Variants in ERBIN observed in about 807,000 individuals in gnomAD.
The protein encoded by ERBIN is densin-180-like protein.
Under a neutral mutation model 158.4 loss-of-function variants are expected in ERBIN, and 60 were observed. That is an observed-to-expected ratio of 0.38 (90% CI 0.31 to 0.47). The LOEUF is 0.47. Ranked by LOEUF, ERBIN falls within the 20% of genes least tolerant of loss-of-function variation. The pLI, the probability that ERBIN is intolerant of heterozygous loss-of-function variation, is 0.99. For synonymous variants in ERBIN, 594 were observed against 557.2 expected (o/e 1.07, Z -0.93); for missense variants, 1,610 against 1,648.0 (o/e 0.98, Z 0.40).
intron 4 of ERBIN, among the ~76,000 whole-genome samples, chr5:65,996,765 G>T (rs1020396516): frequency 6.6e-6 from 1 of 152,052 alleles, no homozygotes; most frequent in Non-Finnish European, 1.5e-5. Flanking sequence ...GTGAACACAG[G>T]ATTTCTTTCC....
At chr5:65,980,111 G>C (rs1032422856) in intron 1 of ERBIN, among the ~76,000 whole-genome samples, 2 of 152,132 alleles carry the variant, frequency 1.3e-5, no homozygotes, top group Non-Finnish European at 2.9e-5. Flanking sequence ...GAAGAACAAA[G>C]AACAAATAGA....
chr5:65,964,963 TTTTTTTA>T (rs1280046890), intron 1 of ERBIN, among the ~76,000 whole-genome samples: 2 of 133,932 alleles, frequency 1.5e-5, no homozygotes, highest in Non-Finnish European at 3.0e-5. Context: ...TTTTTTTTTT[TTTTTTTA>T]AGTAGAGATG....
chr5:66,018,593 A>ATATATAT (rs1322714207), intron 7 of ERBIN, among the ~76,000 whole-genome samples: 113 of 8,672 alleles, frequency 0.013, 33 homozygotes, highest in African/African-American at 0.032. Flanking sequence ...ATATTATATA[A>ATATATAT]TATATATTAT....
chr5:66,033,491 T>A (rs1024044373), intron 14 of ERBIN, among the ~76,000 whole-genome samples: 1 of 152,174 alleles, frequency 6.6e-6, no homozygotes, highest in Admixed American at 6.5e-5. Context: ...GAGTTAAGAC[T>A]GGCCTGAAGG....
At chr5:66,011,767 T>C (rs1174204241) in intron 4 of ERBIN, among the ~76,000 whole-genome samples, 1 of 152,220 alleles carries the variant, frequency 6.6e-6, no homozygotes, top group Non-Finnish European at 1.5e-5. Context: ...GTTCTACAAT[T>C]TAGGTCCTTA....
intron 1 of ERBIN, among the ~76,000 whole-genome samples, chr5:65,944,415 T>G (rs1014663363): frequency 1.3e-5 from 2 of 152,072 alleles, no homozygotes; most frequent in Non-Finnish European, 2.9e-5. Flanking sequence ...TTTTGTTTTT[T>G]GTTTTGAGGC....
intron 1 of ERBIN, among the ~76,000 whole-genome samples, chr5:65,960,469 A>G (rs1006517087): frequency 2.5e-4 from 38 of 152,330 alleles, no homozygotes; most frequent in African/African-American, 8.9e-4. Context: ...ACTTTACCTC[A>G]AAAACAAACA....
intron 21 of ERBIN, among the ~76,000 whole-genome samples, chr5:66,061,901 G>C (rs1393342948): frequency 2.0e-5 from 3 of 152,204 alleles, no homozygotes; most frequent in Admixed American, 6.5e-5. Context: ...TAGAGTTTCT[G>C]CCAAGAGATC....
At chr5:66,074,129 ATCC>A (rs1347719660) in intron 22 of ERBIN, among the ~76,000 whole-genome samples, 1 of 148,456 alleles carries the variant, frequency 6.7e-6, no homozygotes, top group Non-Finnish European at 1.5e-5. Flanking sequence ...GCCTGAAGCA[ATCC>A]TCCTGTATAG....
At chr5:65,927,793 A>G (rs1296124962) in intron 1 of ERBIN, among the ~76,000 whole-genome samples, 1 of 152,230 alleles carries the variant, frequency 6.6e-6, no homozygotes, top group Non-Finnish European at 1.5e-5. Context: ...GAAGCATGGC[A>G]GACATTCCAC....
intron 21 of ERBIN, among the ~76,000 whole-genome samples, chr5:66,057,867 C>G (rs1320093932): frequency 2.0e-5 from 3 of 151,200 alleles, no homozygotes; most frequent in Non-Finnish European, 4.4e-5. Context: ...CATGTCCCTA[C>G]AAAGGACATG....
At chr5:65,982,957 C>G (rs988771500) in intron 1 of ERBIN, among the ~76,000 whole-genome samples, 1 of 152,148 alleles carries the variant, frequency 6.6e-6, no homozygotes, top group Admixed American at 6.5e-5. Flanking sequence ...TGGAAATGTT[C>G]CATGTCTTGA....
In ERBIN at chr5:66,082,042, G is replaced by A. The variant is rs56271873; in HGVS notation, c.*3512G>A. ...ATTCTTTACAGAATTCATAAGCCCA[G>A]GGGATAGTAAGTAGTCATTTAGTTT... On this transcript the variant is annotated 3_prime_UTR_variant, in exon 26 of 26. Coordinates refer to ENST00000284037, the MANE Select transcript of ERBIN (RefSeq NM_001253697.2). 11,219 of 152,144 alleles carry A rather than the reference G, an allele frequency of 0.074. 606 individuals carry two copies. Among genetic ancestry groups the A allele is most frequent in the Non-Finnish European group, 0.1 (7,083 of 67,944 alleles). 9.4% of individuals were successfully genotyped at this position (152,144 alleles called of 1,614,324 possible).
At chr5:65,972,193 C>T (rs1266431145) in intron 1 of ERBIN, among the ~76,000 whole-genome samples, 2 of 152,102 alleles carry the variant, frequency 1.3e-5, no homozygotes, top group Non-Finnish European at 2.9e-5. Flanking sequence ...ATTAGATTGT[C>T]TCTCACCCTT....
At chr5:65,943,983 C>T (rs1276321961) in intron 1 of ERBIN, among the ~76,000 whole-genome samples, 1 of 152,150 alleles carries the variant, frequency 6.6e-6, no homozygotes, top group Non-Finnish European at 1.5e-5. Flanking sequence ...TCAGAATTTC[C>T]TTCCTAAGAC....
At chr5:66,010,001 C>T (rs989071453) in intron 4 of ERBIN, among the ~76,000 whole-genome samples, 1 of 152,168 alleles carries the variant, frequency 6.6e-6, no homozygotes, top group African/African-American at 2.4e-5. Flanking sequence ...TTTTGAACAA[C>T]CACCAAACTA....
At chr5:65,957,078 C>A (rs971727523) in intron 1 of ERBIN, among the ~76,000 whole-genome samples, 1 of 152,124 alleles carries the variant, frequency 6.6e-6, no homozygotes. Context: ...TTATTTAGCA[C>A]CCTCTCCCAT....
In ERBIN at chr5:66,054,916, G is replaced by C; in HGVS notation, c.3598G>C (p.Val1200Leu). 1 of 1,598,698 alleles carries C rather than the reference G, an allele frequency of 6.3e-7. No homozygotes were observed. Among genetic ancestry groups the C allele is most frequent in the African/African-American group, 1.3e-5 (1 of 74,280 alleles). ...AGTTCCTCGTGACTGGAGAGAACAA[G>C]TACTTCGACATATTGAAGCCAAAAA... The part of the protein sequence containing the change: ...SKVPRDWREQ[V>L]LRHIEAKKLE... Residue 1200 changes from valine (V) to leucine (L), a missense_variant, in exon 21 of 26, where the codon GTA (valine) becomes CTA (leucine). By Grantham distance (32) the Val-to-Leu change is conservative. Coordinates refer to ENST00000284037, the MANE Select transcript of ERBIN (RefSeq NM_001253697.2).
At chr5:66,065,591 CTGTGTGTGTGTGTG>C (rs56164922) in intron 21 of ERBIN, among the ~76,000 whole-genome samples, 7,103 of 109,236 alleles carry the variant, frequency 0.065, 345 homozygotes, top group South Asian at 0.13. Flanking sequence ...TAATTTTGAC[CTGTGTGTGTGTGTG>C]TGTGTGTGTG....
Sources: gnomAD v4.1 joint callset for allele counts (sites outside exome capture counted in the v4.1 genomes callset) on GRCh38, gnomAD v4.1.1 for gene constraint, MANE v1.5 for transcripts, NCBI Gene and HGNC (gene_info 2026-07-23, HGNC 2026-07-21) for gene names.